Variants in SHISA9 observed in about 807,000 individuals in gnomAD.
SHISA9 encodes the protein protein shisa-9.
SHISA9 carries 13 observed loss-of-function variants against 38.0 expected under a neutral mutation model. The observed-to-expected ratio is 0.34, with a 90% confidence interval of 0.22 to 0.54. The LOEUF is 0.54. Among genes scored for constraint, SHISA9 ranks in the 20% least tolerant of loss-of-function variants. The pLI is 0.91. For synonymous variants in SHISA9, 275 were observed against 242.0 expected (o/e 1.14, Z -1.27); for missense variants, 538 against 575.8 (o/e 0.93, Z 0.67).
intron 1 of SHISA9, among the ~76,000 whole-genome samples, chr16:12,904,164 A>G (rs1259771932): frequency 1.3e-5 from 2 of 152,156 alleles, no homozygotes; most frequent in African/African-American, 2.4e-5. Flanking sequence ...CGGCCAGGCC[A>G]GTCCCTGTTA....
the SHISA9 span, among the ~76,000 whole-genome samples, chr16:13,400,502 G>A: frequency 6.6e-6 from 1 of 151,802 alleles, no homozygotes; most frequent in Non-Finnish European, 1.5e-5. Flanking sequence ...ACTGTTTTTT[G>A]CAGAAGACCA....
intron 2 of SHISA9, among the ~76,000 whole-genome samples, chr16:13,176,712 A>G (rs145486511): frequency 1.3e-5 from 2 of 151,740 alleles, no homozygotes; most frequent in South Asian, 2.1e-4. Flanking sequence ...TTTTTTCCCC[A>G]AGAAGTAAAA....
At chr16:13,165,315 C>T (rs2050626443) in intron 2 of SHISA9, among the ~76,000 whole-genome samples, 2 of 151,982 alleles carry the variant, frequency 1.3e-5, no homozygotes, top group African/African-American at 4.8e-5. Context: ...ATTGATTTGT[C>T]ATTGTGTTTT....
the SHISA9 span, among the ~76,000 whole-genome samples, chr16:13,460,004 C>T: frequency 2.8e-3 from 420 of 152,278 alleles, 1 homozygote; most frequent in Non-Finnish European, 4.9e-3. Context: ...GCCTCCCAGG[C>T]TCAAGTGATC....
the SHISA9 span, among the ~76,000 whole-genome samples, chr16:13,538,237 A>G: frequency 6.6e-6 from 1 of 152,214 alleles, no homozygotes; most frequent in African/African-American, 2.4e-5. Flanking sequence ...TCAAAGCAAT[A>G]GCTCAGGTCA....
chr16:13,337,431 C>T, the SHISA9 span, among the ~76,000 whole-genome samples: 4 of 152,062 alleles, frequency 2.6e-5, no homozygotes, highest in Non-Finnish European at 5.9e-5. Context: ...TCCCCAGCCA[C>T]GTGGAACTGT....
chr16:13,260,070 G>T, the SHISA9 span, among the ~76,000 whole-genome samples: 2 of 124,196 alleles, frequency 1.6e-5, no homozygotes, highest in African/African-American at 6.1e-5. Context: ...AGGCTGGAGT[G>T]CAGTGGCGTG....
chr16:13,084,565 A>T (rs574255453), intron 2 of SHISA9, among the ~76,000 whole-genome samples: 1 of 152,208 alleles, frequency 6.6e-6, no homozygotes, highest in Non-Finnish European at 1.5e-5. Flanking sequence ...CACACTCCAG[A>T]CAGGTTCCTC....
At chr16:13,174,408 G>A (rs937020668) in intron 2 of SHISA9, among the ~76,000 whole-genome samples, 1 of 152,202 alleles carries the variant, frequency 6.6e-6, no homozygotes. Context: ...GTCCTTGACT[G>A]TCTCTTGGGA....
the SHISA9 span, among the ~76,000 whole-genome samples, chr16:13,390,482 T>A: frequency 1.3e-5 from 2 of 152,200 alleles, no homozygotes; most frequent in Non-Finnish European, 1.5e-5. Flanking sequence ...GTCTCTCTGC[T>A]TTTTGCTTTC....
intron 2 of SHISA9, among the ~76,000 whole-genome samples, chr16:13,121,788 A>G (rs949010455): frequency 6.6e-6 from 1 of 150,900 alleles, no homozygotes; most frequent in Admixed American, 6.7e-5. Context: ...AATGAACACT[A>G]TTGCTTTTAT....
the SHISA9 span, among the ~76,000 whole-genome samples, chr16:13,297,584 C>T: frequency 1.4e-3 from 206 of 152,172 alleles, no homozygotes; most frequent in Non-Finnish European, 2.0e-3. Context: ...CCAGCAAGAA[C>T]GGAGTAGCAG....
chr16:13,029,222 T>A (rs1163053760), intron 2 of SHISA9, among the ~76,000 whole-genome samples: 1 of 152,204 alleles, frequency 6.6e-6, no homozygotes, highest in East Asian at 1.9e-4. Context: ...AATAGCCAGA[T>A]TTGGAAGCAA....
the SHISA9 span, among the ~76,000 whole-genome samples, chr16:13,373,081 G>T: frequency 6.6e-6 from 1 of 151,960 alleles, no homozygotes; most frequent in African/African-American, 2.4e-5. Flanking sequence ...ACTAACTACT[G>T]TAGAAAGGTT....
At chr16:13,148,353 C>T (rs2050466388) in intron 2 of SHISA9, among the ~76,000 whole-genome samples, 1 of 152,118 alleles carries the variant, frequency 6.6e-6, no homozygotes, top group African/African-American at 2.4e-5. Context: ...CCCCTGCAAA[C>T]ACATCCACAC....
intron 2 of SHISA9, among the ~76,000 whole-genome samples, chr16:13,059,363 G>C (rs1291604452): frequency 6.6e-6 from 1 of 151,958 alleles, no homozygotes; most frequent in Non-Finnish European, 1.5e-5. Context: ...TCCTGACCTC[G>C]TGATCTGCCC....
At chr16:13,067,109 T>C (rs2073444306) in intron 2 of SHISA9, among the ~76,000 whole-genome samples, 1 of 152,190 alleles carries the variant, frequency 6.6e-6, no homozygotes, top group South Asian at 2.1e-4. Context: ...AAACACTATA[T>C]GGAGAATTAA....
the SHISA9 span, among the ~76,000 whole-genome samples, chr16:13,519,369 T>C: frequency 6.6e-6 from 1 of 152,186 alleles, no homozygotes; most frequent in African/African-American, 2.4e-5. Flanking sequence ...ATTGATGAGA[T>C]GTGAATTGAT....
At chr16:13,160,692 A>T (rs1332950317) in intron 2 of SHISA9, among the ~76,000 whole-genome samples, 1 of 151,534 alleles carries the variant, frequency 6.6e-6, no homozygotes, top group Non-Finnish European at 1.5e-5. Flanking sequence ...CCATTTTAAC[A>T]CCCCCCAGGG....
Sources: gnomAD v4.1 joint callset for allele counts (sites outside exome capture counted in the v4.1 genomes callset) on GRCh38, gnomAD v4.1.1 for gene constraint, MANE v1.5 for transcripts, NCBI Gene and HGNC (gene_info 2026-07-23, HGNC 2026-07-21) for gene names.